Variants in CNTN6 observed in about 807,000 individuals in gnomAD.
The protein encoded by CNTN6 is contactin-6.
A neutral mutation model predicts 122.8 loss-of-function variants in CNTN6; 137 were observed. That is an observed-to-expected ratio of 1.12 (90% CI 0.97 to 1.29). The LOEUF is 1.29. Among genes scored for constraint, CNTN6 ranks in the 50% most tolerant of loss-of-function variants. The pLI is 0.00. For missense variants in CNTN6, 1,634 were observed against 1,223.4 expected (o/e 1.34, Z -5.01); for synonymous variants, 570 against 426.0 (o/e 1.34, Z -4.16).
At chr3:1,356,952 G>A (rs764921816) in intron 12 of CNTN6, among the ~76,000 whole-genome samples, 23 of 151,796 alleles carry the variant, frequency 1.5e-4, no homozygotes, top group African/African-American at 2.2e-4. Flanking sequence ...GCAAAAACAC[G>A]CATCAATTTA....
At chr3:1,296,062 G>A (rs1696173821) in intron 6 of CNTN6, among the ~76,000 whole-genome samples, 1 of 152,154 alleles carries the variant, frequency 6.6e-6, no homozygotes, top group African/African-American at 2.4e-5. Flanking sequence ...CTTAAAGACT[G>A]TTTTGTAAAA....
chr3:1,215,997 C>A (rs1447259342), intron 2 of CNTN6, among the ~76,000 whole-genome samples: 1 of 151,986 alleles, frequency 6.6e-6, no homozygotes, highest in Non-Finnish European at 1.5e-5. Flanking sequence ...TGAATTGTAG[C>A]CAGATTATTA....
chr3:1,105,231 A>G (rs6794904), intron 1 of CNTN6, among the ~76,000 whole-genome samples: 9,815 of 152,192 alleles, frequency 0.064, 413 homozygotes, highest in Non-Finnish European at 0.089. Context: ...ATACACAGAT[A>G]ACAGTATTTC....
At chr3:1,156,770 A>T (rs1199248804) in intron 2 of CNTN6, among the ~76,000 whole-genome samples, 1 of 149,126 alleles carries the variant, frequency 6.7e-6, no homozygotes, top group South Asian at 2.1e-4. Flanking sequence ...CTGAAGTGCA[A>T]TGGCGCTATC....
In CNTN6 at chr3:1,095,715, A is replaced by G. The variant is rs536344488; in HGVS notation, c.-83+2595A>G. 6.6e-5 allele frequency among the ~76,000 whole-genome samples: 10 copies of G among 152,314 alleles called. No individual in the cohort carries two copies. The East Asian group carries it at 1.9e-3, about 29-fold the overall frequency. ...TTTTGGATGCACGTTTAAATAGTAA[A>G]CAAACTTTTATAACCCTTGTTATGA... is the stretch of plus-strand genomic sequence containing the variant. On this transcript the variant is annotated intron_variant, in intron 1 of 22. Transcript: ENST00000446702.
At chr3:1,366,080 C>T (rs2126119600) in intron 12 of CNTN6, among the ~76,000 whole-genome samples, 1 of 152,208 alleles carries the variant, frequency 6.6e-6, no homozygotes, top group East Asian at 1.9e-4. Context: ...TCTAGACACA[C>T]TGAATCAGTA....
At chr3:1,241,019 G>A (rs959847641) in intron 4 of CNTN6, among the ~76,000 whole-genome samples, 8 of 152,084 alleles carry the variant, frequency 5.3e-5, no homozygotes, top group African/African-American at 1.9e-4. Flanking sequence ...ACCTTCTTAA[G>A]GGTGGGGGAG....
rs779005728 is a variant in CNTN6, at chr3:1,373,654, A to G, written c.1837A>G (p.Thr613Ala). The G allele has an allele frequency of 1.1e-5, 17 of 1,613,058 alleles. No individual in the cohort carries two copies. The highest frequency in any genetic ancestry group is 2.2e-5 in the East Asian group (1 of 44,838). ...GCAAGTGGAAGACATTTCCAGTACT[A>G]CTTCTCAACTAAGTTGGAGAGCAGG... is the stretch of plus-strand genomic sequence containing the variant. ...DVQVEDISST[T>A]SQLSWRAGPD... The change falls in exon 15 of 23, where the codon ACT becomes GCT. Residue 613 changes from threonine to alanine, a missense_variant. Thr to Ala is a moderately conservative substitution (Grantham distance 58). Transcript: ENST00000446702.
chr3:1,149,582 C>T (rs1349914937), intron 2 of CNTN6, among the ~76,000 whole-genome samples: 3 of 152,108 alleles, frequency 2.0e-5, no homozygotes, highest in African/African-American at 7.2e-5. Context: ...AAGCTAGCAG[C>T]TAGAAGTGCC....
chr3:1,312,878 T>A (rs1372010795), intron 7 of CNTN6, among the ~76,000 whole-genome samples: 1 of 151,846 alleles, frequency 6.6e-6, no homozygotes, highest in Non-Finnish European at 1.5e-5. Flanking sequence ...CTAATCCCAA[T>A]TTGTTCATCT....
chr3:1,246,961 C>T (rs911109846), intron 4 of CNTN6, among the ~76,000 whole-genome samples: 3 of 152,056 alleles, frequency 2.0e-5, no homozygotes, highest in Admixed American at 6.6e-5. Flanking sequence ...TCTACTGTGT[C>T]GCTTGCCTTT....
Position 1,158,953 on chromosome 3 carries a change from T to TACAC in CNTN6, c.55+10904_55+10907dup, listed in dbSNP as rs536628538. ...ATATACACACACACATATATATATA[T>TACAC]ACACACACACACACACATATATATA... On this transcript the variant is annotated intron_variant, in intron 2 of 22. Coordinates refer to ENST00000446702, the MANE Select transcript of CNTN6 (RefSeq NM_001289080.2). Among the ~76,000 whole-genome samples, 21 of 104,228 alleles carry TACAC rather than the reference T, an allele frequency of 2.0e-4. 2 individuals carry two copies. The highest frequency in any genetic ancestry group is 8.8e-3 in the Middle Eastern group (2 of 226). 68.4% of individuals were successfully genotyped at this position (104,228 alleles called of 152,430 possible).
chr3:1,216,196 A>T (rs550496269), intron 2 of CNTN6, among the ~76,000 whole-genome samples: 2 of 152,218 alleles, frequency 1.3e-5, no homozygotes, highest in African/African-American at 4.8e-5. Context: ...TTCAGCCAGA[A>T]AGAGGTAAAA....
chr3:1,289,625 A>T (rs1270893271), intron 5 of CNTN6, among the ~76,000 whole-genome samples: 1 of 151,726 alleles, frequency 6.6e-6, no homozygotes, highest in African/African-American at 2.4e-5. Flanking sequence ...TCCCAGTGTG[A>T]TGATGCAGAG....
chr3:1,155,336 G>A (rs1186347417), intron 2 of CNTN6, among the ~76,000 whole-genome samples: 3 of 152,132 alleles, frequency 2.0e-5, no homozygotes, highest in African/African-American at 4.8e-5. Flanking sequence ...AAATGAGCAC[G>A]TTATTGACCT....
At chr3:1,209,693 C>G (rs2094006950) in intron 2 of CNTN6, among the ~76,000 whole-genome samples, 1 of 151,890 alleles carries the variant, frequency 6.6e-6, no homozygotes, top group Admixed American at 6.6e-5. Context: ...CCCTTAAATA[C>G]TGAGCAACAT....
chr3:1,401,780 TTTC>T (rs1294560555), intron 21 of CNTN6, among the ~76,000 whole-genome samples: 1 of 152,078 alleles, frequency 6.6e-6, no homozygotes, highest in Admixed American at 6.6e-5. Context: ...TGTAACATTT[TTTC>T]TTCAAGTGGC....
intron 2 of CNTN6, among the ~76,000 whole-genome samples, chr3:1,161,243 T>C (rs2093125524): frequency 2.0e-5 from 2 of 101,700 alleles, no homozygotes; most frequent in Admixed American, 9.2e-5. Flanking sequence ...TATAATGATA[T>C]ATGATTATAT....
intron 2 of CNTN6, among the ~76,000 whole-genome samples, chr3:1,160,780 G>A (rs562643880): frequency 4.6e-5 from 7 of 151,804 alleles, no homozygotes; most frequent in South Asian, 2.1e-4. Flanking sequence ...GAAAATTACC[G>A]ACATATTTAG....
Sources: allele counts gnomAD v4.1 joint callset (sites outside exome capture counted in the v4.1 genomes callset), GRCh38; gene constraint gnomAD v4.1.1; transcripts MANE v1.5; gene names NCBI Gene and HGNC (gene_info 2026-07-23, HGNC 2026-07-21).